The following GON4L variants were observed in gnomAD, a reference collection of about 807,000 sequenced individuals.
GON4L encodes GON-4-like protein.
GON4L carries 87 observed loss-of-function variants against 211.8 expected under a neutral mutation model. That is an observed-to-expected ratio of 0.41 (90% confidence interval 0.35 to 0.49). The LOEUF is 0.49. Ranked by LOEUF, GON4L falls within the 20% of genes least tolerant of loss-of-function variation. The pLI is 0.15. For missense variants in GON4L, 2,155 were observed against 2,659.5 expected (o/e 0.81, Z 4.17); for synonymous variants, 875 against 962.6 (o/e 0.91, Z 1.68).
At position 155,776,406 on chromosome 1, in the gene GON4L, T is replaced by C. The variant is rs1329389398; in HGVS notation, c.2167A>G (p.Arg723Gly). ...PNLNPEATTTRIFLKELGTFA... is the reference protein window; with the variant it reads ...PNLNPEATTTGIFLKELGTFA... ...ATTTGGAAACTTACAAGAAATATCC[T>C]GGTGGTAGTGGCCTCCGGATTGAGG... The change falls in exon 16 of 32, where the codon AGG becomes GGG. Residue 723 changes from arginine to glycine, a missense_variant. By Grantham distance (125) the Arg-to-Gly change is moderately radical. Coordinates refer to ENST00000368331, the MANE Select transcript of GON4L (RefSeq NM_001282860.2). 1.2e-5 allele frequency: 20 copies of C among 1,605,756 alleles called. No individual in the cohort carries two copies. Among genetic ancestry groups the C allele is most frequent in the Admixed American group, 1.7e-5 (1 of 59,978 alleles).
At position 155,775,131 on chromosome 1, in the gene GON4L, G is replaced by A. The variant is rs758629576; in HGVS notation, c.2221C>T (p.His741Tyr). Residue 741 changes from histidine to tyrosine, a missense_variant, in exon 17 of 32, where the codon CAT (histidine) becomes TAT (tyrosine). His to Tyr is a moderately conservative substitution (Grantham distance 83). Transcript: ENST00000368331. ...TFAQSSIALH[H>Y]QYNPKFQTLF... The stretch of plus-strand genomic sequence containing the variant: ...GTCTGAAACTTGGGGTTGTACTGAT[G>A]GTGAAGGGCGATGGAGCTTTGAGCA... The A allele has an allele frequency of 5.6e-6, 9 of 1,614,148 alleles. No individual in the cohort carries two copies. The South Asian group carries it at 8.8e-5, about 16-fold the overall frequency.
At chr1:155,852,598 C>T (rs1671897894) in intron 2 of GON4L, among the ~76,000 whole-genome samples, 2 of 151,854 alleles carry the variant, frequency 1.3e-5, no homozygotes, top group Admixed American at 1.3e-4. Flanking sequence ...AAAAAATTGG[C>T]CGGGCATGGT....
chr1:155,789,235 T>G (rs1284956576), intron 12 of GON4L, among the ~76,000 whole-genome samples: 1 of 152,080 alleles, frequency 6.6e-6, no homozygotes, highest in East Asian at 1.9e-4. Context: ...ATGTCAAAAT[T>G]CATTAAATGG....
At chr1:155,777,943 C>A (rs1287381128) in intron 14 of GON4L, 123 bp from the exon 15 acceptor site, 3 of 719,340 alleles carry the variant, frequency 4.2e-6, no homozygotes, top group Non-Finnish European at 7.6e-6. Flanking sequence ...CCCCATCTCA[C>A]TTTAGCCAAC....
intron 19 of GON4L, 69 bp from the exon 20 acceptor site, chr1:155,767,610 A>G: frequency 1.4e-6 from 2 of 1,469,730 alleles, no homozygotes; most frequent in Non-Finnish European, 1.9e-6. Flanking sequence ...AGGCTGGTGA[A>G]TGGGGTGGTG....
At chr1:155,820,528 A>T in intron 6 of GON4L, 78 bp downstream of exon 6, 2 of 943,174 alleles carry the variant, frequency 2.1e-6, no homozygotes, top group Non-Finnish European at 3.5e-6. Flanking sequence ...AATCTTTCCT[A>T]TATTTTTCCC....
rs1336109657 is a variant in GON4L, at chr1:155,754,399, C to T, written c.5607G>A (p.Arg1869=). 1.2e-6 allele frequency: 2 copies of T among 1,611,772 alleles called. No homozygotes were observed. Among genetic ancestry groups the T allele is most frequent in the African/African-American group, 2.7e-5 (2 of 74,964 alleles). The stretch of plus-strand genomic sequence containing the variant: ...CCTTGCTGCTACAGTGGCTACAGCT[C>T]CGCCTTTTGCTCTTCTTCAGCTTGG... The part of the protein sequence containing the change: ...PDSKLKKSKR[R]SCSHCSSKVC... Residue 1869 remains arginine, a synonymous_variant, in exon 28 of 32, where the codon CGG becomes CGA. Transcript: ENST00000368331.
chr1:155,816,917 T>C (rs1196228739), intron 6 of GON4L, among the ~76,000 whole-genome samples: 2 of 152,100 alleles, frequency 1.3e-5, no homozygotes, highest in African/African-American at 4.8e-5. Flanking sequence ...TCTTGGAATT[T>C]AGATTCATTG....
At chr1:155,745,209 A>C (rs1336491080), downstream of GON4L, among the ~76,000 whole-genome samples, 2 of 152,248 alleles carry the variant, frequency 1.3e-5, no homozygotes, top group African/African-American at 4.8e-5. Flanking sequence ...ATATGCAAAA[A>C]CATAAATTGC....
At chr1:155,747,945 G>T, downstream of GON4L, 1 of 1,563,462 alleles carries the variant, frequency 6.4e-7, no homozygotes, top group Non-Finnish European at 8.7e-7. Context: ...TGGGAGAGTG[G>T]CTTAATGCAA....
intron 11 of GON4L, among the ~76,000 whole-genome samples, chr1:155,797,714 G>T (rs1438619287): frequency 6.7e-6 from 1 of 150,048 alleles, no homozygotes; most frequent in East Asian, 2.0e-4. Flanking sequence ...TTAGCCAAGA[G>T]TAATGGTGCG....
At chr1:155,754,120 A>G (rs1660897477) in intron 28 of GON4L, 1 of 517,660 alleles carries the variant, frequency 1.9e-6, no homozygotes, top group Non-Finnish European at 3.5e-6. Flanking sequence ...TCATTTTCTA[A>G]TATCTGAGGG....
rs1280805331 is a variant in GON4L, at chr1:155,764,952, C to T, written c.4473+48G>A. ...GCAGGTGGCATATCAATAAGTGATA[C>T]ATATTACTGAGTCCACGAAATACTT... On this transcript the variant is annotated intron_variant, in intron 21 of 31. Coordinates refer to ENST00000368331, the MANE Select transcript of GON4L (RefSeq NM_001282860.2). 8 of 1,613,962 alleles carry T rather than the reference C, an allele frequency of 5.0e-6. No individual in the cohort carries two copies. The Admixed American group carries it at 1.2e-4, about 24-fold the overall frequency.
At chr1:155,821,373 C>T in intron 5 of GON4L, 101 bp downstream of exon 5, 1 of 746,110 alleles carries the variant, frequency 1.3e-6, no homozygotes, top group Non-Finnish European at 2.5e-6. Flanking sequence ...TTAACCCCAG[C>T]TGCCAAACTG....
downstream of GON4L, chr1:155,746,029 G>C: frequency 1.3e-6 from 1 of 798,248 alleles, no homozygotes; most frequent in Non-Finnish European, 2.0e-6. Flanking sequence ...CCGAGCGACC[G>C]ATTCCAAGGA....
At chr1:155,813,218 G>A (rs1667950014) in intron 10 of GON4L, among the ~76,000 whole-genome samples, 1 of 152,156 alleles carries the variant, frequency 6.6e-6, no homozygotes. Context: ...GATCACTTGA[G>A]CCCAGGAGTT....
chr1:155,775,293 T>C (rs1267678989), intron 16 of GON4L, 120 bp from the exon 17 acceptor site: 37 of 1,303,764 alleles, frequency 2.8e-5, no homozygotes, highest in Non-Finnish European at 3.9e-5. Context: ...GTAAAAATCA[T>C]CATAAAGTCT....
intron 25 of GON4L, 120 bp from the exon 26 acceptor site, chr1:155,757,443 C>T (rs1408039258): frequency 1.5e-5 from 13 of 856,316 alleles, no homozygotes; most frequent in Non-Finnish European, 2.4e-5. Context: ...CACACAGAGA[C>T]TCTGCCTGGT....
chr1:155,760,714 A>T (rs1661700748), intron 23 of GON4L, 73 bp from the exon 24 acceptor site: 2 of 1,007,910 alleles, frequency 2.0e-6, no homozygotes, highest in Non-Finnish European at 3.1e-6. Context: ...ACAAGGGAGA[A>T]GGCAGGGTTA....
Sources: gnomAD v4.1 joint callset for allele counts (sites outside exome capture counted in the v4.1 genomes callset) on GRCh38, gnomAD v4.1.1 for gene constraint, MANE v1.5 for transcripts, NCBI Gene and HGNC (gene_info 2026-07-23, HGNC 2026-07-21) for gene names.